The following FNDC3A variants were observed in gnomAD, a reference collection of about 807,000 sequenced individuals.
The protein encoded by FNDC3A is fibronectin type III domain containing 3A, also known as fibronectin type-III domain-containing protein 3A.
Under a neutral mutation model 148.9 loss-of-function variants are expected in FNDC3A, and 32 were observed. The observed-to-expected ratio is 0.21, with a 90% confidence interval of 0.16 to 0.29. The LOEUF (loss-of-function observed/expected upper bound fraction) is 0.29, where lower values mean the gene tolerates loss of function less well. Ranked by LOEUF, FNDC3A falls within the 10% of genes least tolerant of loss-of-function variation. FNDC3A has a pLI of 1.00. For missense variants in FNDC3A, 1,191 were observed against 1,452.8 expected (o/e 0.82, Z 2.93); for synonymous variants, 472 against 473.6 (o/e 1.00, Z 0.04).
At chr13:49,123,878 C>T (rs916764363) in intron 4 of FNDC3A, among the ~76,000 whole-genome samples, 3 of 152,156 alleles carry the variant, frequency 2.0e-5, no homozygotes, top group Non-Finnish European at 2.9e-5. Flanking sequence ...GAAATAGGAA[C>T]GCTTTTACAC....
intron 3 of FNDC3A, among the ~76,000 whole-genome samples, chr13:49,105,693 AT>A (rs2137849933): frequency 6.6e-6 from 1 of 152,308 alleles, no homozygotes; most frequent in African/African-American, 2.4e-5. Context: ...TGCTATTAAA[AT>A]TAGTACTGCT....
At chr13:49,161,138 A>C (rs537113328) in intron 8 of FNDC3A, among the ~76,000 whole-genome samples, 1 of 152,152 alleles carries the variant, frequency 6.6e-6, no homozygotes, top group East Asian at 1.9e-4. Context: ...TATTAGGTCC[A>C]GTTGGTGCAG....
intron 8 of FNDC3A, chr13:49,146,702 A>C (rs1009725311): frequency 4.6e-5 from 7 of 152,240 alleles, no homozygotes; most frequent in Admixed American, 1.3e-4. Flanking sequence ...GCGTCATTGC[A>C]CTCCAGCCTG....
rs1033999704 is a variant in FNDC3A, at chr13:49,141,596, A to G, written c.819+2791A>G. Among the ~76,000 whole-genome samples, 60 of 152,022 alleles carry G rather than the reference A, an allele frequency of 3.9e-4. 1 individual carries two copies. The highest frequency in any genetic ancestry group is 1.7e-3 in the South Asian group (8 of 4,826). Reference sequence around the variant, plus strand: ...GGAAATCCAGAAATTAGATACTCTCATTTCTTTCTTCTACAGTCTTTGTCA... The same window carrying G: ...GGAAATCCAGAAATTAGATACTCTCGTTTCTTTCTTCTACAGTCTTTGTCA... On this transcript the variant is annotated intron_variant, in intron 7 of 25. Transcript: ENST00000492622.
chr13:49,038,422 A>G (rs1359299259), intron 2 of FNDC3A, among the ~76,000 whole-genome samples: 1 of 152,104 alleles, frequency 6.6e-6, no homozygotes, highest in South Asian at 2.1e-4. Context: ...TGGTTTCCTT[A>G]TAAGAACAGG....
At chr13:49,204,061 TAAG>T (rs1197616598) in intron 25 of FNDC3A, among the ~76,000 whole-genome samples, 6 of 152,164 alleles carry the variant, frequency 3.9e-5, no homozygotes, top group Non-Finnish European at 8.8e-5. Flanking sequence ...GAAAGACTAA[TAAG>T]GAGGCTTTTA....
chr13:49,106,587 A>C (rs1880188018), intron 3 of FNDC3A, among the ~76,000 whole-genome samples: 1 of 152,232 alleles, frequency 6.6e-6, no homozygotes, highest in Non-Finnish European at 1.5e-5. Flanking sequence ...CCGGCATTAC[A>C]GGCGCGAAGC....
intron 14 of FNDC3A, among the ~76,000 whole-genome samples, chr13:49,184,037 A>G (rs1885439704): frequency 6.6e-6 from 1 of 152,220 alleles, no homozygotes; most frequent in Non-Finnish European, 1.5e-5. Flanking sequence ...TTAAAATAGA[A>G]TGGGGTAAGA....
At chr13:49,056,878 T>C (rs1349082078) in intron 2 of FNDC3A, among the ~76,000 whole-genome samples, 1 of 152,222 alleles carries the variant, frequency 6.6e-6, no homozygotes, top group Non-Finnish European at 1.5e-5. Flanking sequence ...TGTTGTCTCT[T>C]TCCTAAAACC....
At chr13:49,163,407 G>T (rs557571704) in intron 8 of FNDC3A, among the ~76,000 whole-genome samples, 3 of 152,334 alleles carry the variant, frequency 2.0e-5, no homozygotes, top group Admixed American at 1.3e-4. Context: ...CTAGCAGTAA[G>T]CAAGGCTCTG....
intron 5 of FNDC3A, among the ~76,000 whole-genome samples, chr13:49,135,692 G>A (rs1375796805): frequency 6.6e-6 from 1 of 152,054 alleles, no homozygotes; most frequent in Non-Finnish European, 1.5e-5. Flanking sequence ...AAACTCTGGG[G>A]ACAATTGAAT....
chr13:49,208,917 A>G lies in FNDC3A; in HGVS notation c.*1522A>G, dbSNP rs1336078910. On this transcript the variant is annotated 3_prime_UTR_variant, in exon 26 of 26. Coordinates refer to ENST00000492622, the MANE Select transcript of FNDC3A (RefSeq NM_001079673.2). ...AAGATCTCTGAAGAATTTCTTTTAT[A>G]ATAGAATGGGCATGTATTGTAACAG... 4 of 152,606 alleles carry G rather than the reference A, an allele frequency of 2.6e-5. No homozygotes were observed. The highest frequency in any genetic ancestry group is 5.9e-5 in the Non-Finnish European group (4 of 68,034). The allele number at this position is 152,606 out of a possible 1,614,324, so 9.5% of individuals were successfully genotyped here. A position where few individuals can be genotyped will look rare whatever the true frequency, so the allele number is the denominator to read the frequency against.
At chr13:49,166,686 G>A (rs1884480436) in intron 8 of FNDC3A, among the ~76,000 whole-genome samples, 1 of 152,120 alleles carries the variant, frequency 6.6e-6, no homozygotes, top group South Asian at 2.1e-4. Flanking sequence ...TCCCCACACT[G>A]GACAACCTTT....
intron 2 of FNDC3A, among the ~76,000 whole-genome samples, chr13:49,059,061 C>T (rs959086021): frequency 3.3e-5 from 5 of 152,138 alleles, no homozygotes; most frequent in Non-Finnish European, 5.9e-5. Flanking sequence ...AAAGTACTCA[C>T]AAAATGTTAG....
At chr13:48,987,842 C>T (rs1026022095) in intron 1 of FNDC3A, 1 of 152,216 alleles carries the variant, frequency 6.6e-6, no homozygotes, top group Non-Finnish European at 1.5e-5. Flanking sequence ...ATAATCACTG[C>T]CCTGTATATA....
intron 1 of FNDC3A, among the ~76,000 whole-genome samples, chr13:48,998,584 A>G (rs1241661048): frequency 6.6e-6 from 1 of 152,212 alleles, no homozygotes; most frequent in Non-Finnish European, 1.5e-5. Context: ...GTGAAATCTT[A>G]AACACTTTTG....
chr13:49,174,097 A>G (rs1206830509), intron 11 of FNDC3A, among the ~76,000 whole-genome samples: 2 of 152,192 alleles, frequency 1.3e-5, no homozygotes, highest in East Asian at 3.8e-4. Flanking sequence ...AGTTGACCCT[A>G]TCAAAGATCG....
At chr13:49,019,778 C>G (rs956168397) in intron 2 of FNDC3A, among the ~76,000 whole-genome samples, 16 of 152,192 alleles carry the variant, frequency 1.1e-4, no homozygotes, top group African/African-American at 3.9e-4. Context: ...ATGAGTGAGA[C>G]TGTCCTATAA....
chr13:49,070,971 T>G (rs1877640899), intron 2 of FNDC3A, among the ~76,000 whole-genome samples: 1 of 146,544 alleles, frequency 6.8e-6, no homozygotes, highest in Admixed American at 7.0e-5. Flanking sequence ...CCATCGTAGC[T>G]CACTACAGTC....
Sources: gnomAD v4.1 joint callset for allele counts (sites outside exome capture counted in the v4.1 genomes callset) on GRCh38, gnomAD v4.1.1 for gene constraint, MANE v1.5 for transcripts, NCBI Gene and HGNC (gene_info 2026-07-23, HGNC 2026-07-21) for gene names.